PRR16: variants seen among roughly 807,000 people sequenced by gnomAD.
The protein encoded by PRR16 is proline rich 16, also known as protein Largen.
In PRR16, 6 loss-of-function variants were observed where a neutral mutation model predicts 18.2. The ratio of observed to expected loss-of-function variants is 0.33; its 90% CI spans 0.18 to 0.65. PRR16 has a LOEUF of 0.65. PRR16 is among the 30% of genes least tolerant of loss of function. The probability of loss-of-function intolerance (pLI) is 0.74; values close to 1 mark genes in which losing one functional copy is unlikely to be tolerated. For synonymous variants in PRR16, 151 were observed against 147.8 expected, an observed-to-expected ratio of 1.02 and a Z score of -0.16; for missense variants, 412 against 376.6, an observed-to-expected ratio of 1.09 and a Z score of -0.78.
At chr5:120,522,458 C>T (rs34058158) in intron 1 of PRR16, among the ~76,000 whole-genome samples, 2,055 of 152,312 alleles carry the variant, frequency 0.013, 22 homozygotes, top group Non-Finnish European at 0.02. Context: ...CTGTTGACTG[C>T]ATAAATGTCT....
At chr5:120,778,276 T>TA in the PRR16 span, among the ~76,000 whole-genome samples, 6 of 152,112 alleles carry the variant, frequency 3.9e-5, no homozygotes, top group Non-Finnish European at 7.4e-5. Flanking sequence ...GGATATCTTA[T>TA]TCTGCTCAAG....
chr5:120,580,138 G>C (rs1244269335), intron 1 of PRR16, among the ~76,000 whole-genome samples: 1 of 152,108 alleles, frequency 6.6e-6, no homozygotes, highest in Non-Finnish European at 1.5e-5. Context: ...GGGCTGAGAT[G>C]ATGGGGTTTT....
intron 1 of PRR16, among the ~76,000 whole-genome samples, chr5:120,586,660 C>A (rs1463907808): frequency 6.6e-6 from 1 of 152,066 alleles, no homozygotes; most frequent in African/African-American, 2.4e-5. Context: ...AGACTTCCAA[C>A]TAATTGAGAA....
chr5:120,645,565 A>G (rs1372500596), intron 1 of PRR16, among the ~76,000 whole-genome samples: 1 of 152,076 alleles, frequency 6.6e-6, no homozygotes, highest in Non-Finnish European at 1.5e-5. Flanking sequence ...AGTGTTTATA[A>G]TCTGGTAATG....
chr5:120,745,710 A>T, the PRR16 span, among the ~76,000 whole-genome samples: 1 of 150,238 alleles, frequency 6.7e-6, no homozygotes, highest in South Asian at 2.1e-4. Context: ...ATTTATTTTT[A>T]ATTTTTGAGA....
chr5:120,764,217 T>G, the PRR16 span, among the ~76,000 whole-genome samples: 29 of 152,256 alleles, frequency 1.9e-4, 2 homozygotes, highest in South Asian at 4.8e-3. Context: ...GCCTTTATTA[T>G]GTTGAAGTAT....
chr5:120,735,228 T>C, the PRR16 span, among the ~76,000 whole-genome samples: 1 of 152,216 alleles, frequency 6.6e-6, no homozygotes, highest in Non-Finnish European at 1.5e-5. Context: ...TCCCATTATA[T>C]GTATATACCA....
chr5:120,541,983 A>G (rs10074464), intron 1 of PRR16, among the ~76,000 whole-genome samples: 27,948 of 151,782 alleles, frequency 0.18, 2,788 homozygotes, highest in Non-Finnish European at 0.21. Context: ...AAAATAAGCA[A>G]TATAGCTTCT....
chr5:120,665,935 A>AT (rs1172036040), intron 1 of PRR16, among the ~76,000 whole-genome samples: 3 of 152,160 alleles, frequency 2.0e-5, no homozygotes, highest in Admixed American at 6.5e-5. Flanking sequence ...TGACTTGGCA[A>AT]TGTGGGCTCT....
intron 1 of PRR16, among the ~76,000 whole-genome samples, chr5:120,580,873 C>A (rs140351504): frequency 0.019 from 2,858 of 152,300 alleles, 86 homozygotes; most frequent in Admixed American, 0.078. Context: ...AGGGATGAAG[C>A]CAACTTGATC....
At chr5:120,610,696 C>T (rs1754306360) in intron 1 of PRR16, among the ~76,000 whole-genome samples, 1 of 152,168 alleles carries the variant, frequency 6.6e-6, no homozygotes, top group African/African-American at 2.4e-5. Context: ...TCTGAGGCCT[C>T]CCCAGATATG....
At chr5:120,590,536 T>C (rs987585292) in intron 1 of PRR16, among the ~76,000 whole-genome samples, 1 of 152,150 alleles carries the variant, frequency 6.6e-6, no homozygotes, top group African/African-American at 2.4e-5. Flanking sequence ...AATTTTACTT[T>C]CTTTAAAAAC....
At chr5:120,676,539 T>TGTGTGC (rs1235472749) in intron 1 of PRR16, among the ~76,000 whole-genome samples, 1 of 151,344 alleles carries the variant, frequency 6.6e-6, no homozygotes, top group Non-Finnish European at 1.5e-5. Context: ...TGTGTGTGTG[T>TGTGTGC]GTGTGTGTGC....
At chr5:120,596,090 C>T (rs1246344514) in intron 1 of PRR16, among the ~76,000 whole-genome samples, 2 of 150,648 alleles carry the variant, frequency 1.3e-5, no homozygotes, top group Non-Finnish European at 3.0e-5. Flanking sequence ...TCTCTTCATC[C>T]ATCCATTTAT....
At chr5:120,639,468 A>G (rs965686266) in intron 1 of PRR16, among the ~76,000 whole-genome samples, 9 of 152,098 alleles carry the variant, frequency 5.9e-5, no homozygotes, top group African/African-American at 2.2e-4. Flanking sequence ...AAATATAAAG[A>G]CCTAAAAGAA....
At chr5:120,615,373 T>G (rs904186692) in intron 1 of PRR16, among the ~76,000 whole-genome samples, 5 of 148,064 alleles carry the variant, frequency 3.4e-5, no homozygotes, top group African/African-American at 9.9e-5. Flanking sequence ...GGATTTCTTT[T>G]TCTTTCTTTT....
At chr5:120,699,139 G>A in the PRR16 span, among the ~76,000 whole-genome samples, 2 of 152,064 alleles carry the variant, frequency 1.3e-5, no homozygotes, top group African/African-American at 4.8e-5. Flanking sequence ...CGAGCTTGAT[G>A]TGTAGGGAAG....
chr5:120,590,390 GCATTTTTGTGTTATCC>G (rs1481933019), intron 1 of PRR16, among the ~76,000 whole-genome samples: 1 of 152,034 alleles, frequency 6.6e-6, no homozygotes, highest in Admixed American at 6.6e-5. Flanking sequence ...GAAGTTTGCT[GCATTTTTGTGTTATCC>G]ACAAGTATTT....
intron 1 of PRR16, among the ~76,000 whole-genome samples, chr5:120,643,465 G>T (rs1755489227): frequency 6.6e-6 from 1 of 151,984 alleles, no homozygotes; most frequent in South Asian, 2.1e-4. Context: ...ATGAGAACAT[G>T]ATTTTTAAAA....
Sources: allele counts gnomAD v4.1 joint callset (sites outside exome capture counted in the v4.1 genomes callset), GRCh38; gene constraint gnomAD v4.1.1; transcripts MANE v1.5; gene names NCBI Gene and HGNC (gene_info 2026-07-23, HGNC 2026-07-21).